The following BRIX1 variants were observed in gnomAD, a reference collection of about 807,000 sequenced individuals.
BRIX1 encodes the protein biogenesis of ribosomes BRX1.
Under a neutral mutation model 44.0 loss-of-function variants are expected in BRIX1, and 15 were observed. The observed-to-expected ratio is 0.34, with a 90% CI of 0.23 to 0.53. The LOEUF (loss-of-function observed/expected upper bound fraction) is 0.53. BRIX1 is among the 20% of genes least tolerant of loss of function. The pLI is 0.95. For missense variants in BRIX1, 420 were observed against 432.8 expected (o/e 0.97, Z 0.26); for synonymous variants, 149 against 135.4 (o/e 1.10, Z -0.70).
At position 34,923,022 on chromosome 5, in the gene BRIX1, T is replaced by A; in HGVS notation, c.532T>A (p.Tyr178Asn). 6.5e-7 allele frequency: 1 copy of A among 1,540,614 alleles called. No homozygotes were observed. The highest frequency in any genetic ancestry group is 9.0e-7 in the Non-Finnish European group (1 of 1,114,272). The change falls in exon 7 of 10, where the codon TAT becomes AAT. Residue 178 changes from tyrosine to asparagine, a missense_variant. By Grantham distance (143) the Tyr-to-Asn change is moderately radical. Transcript: ENST00000336767. ...FDPAFDELPH[Y>N]ALLKELLIQI... ...ATAGGCTTTTGATGAATTACCACATTATGCTTTGTTAAAAGAACTCTTAAT... is the reference window on the plus strand; with the variant it reads ...ATAGGCTTTTGATGAATTACCACATAATGCTTTGTTAAAAGAACTCTTAAT...
rs556111885 is a variant in BRIX1 at position 34,925,434 on chromosome 5, A to G, written c.1001A>G (p.Lys334Arg). 1 of 1,613,982 alleles carries G rather than the reference A, an allele frequency of 6.2e-7. No individual in the cohort carries two copies. The highest frequency in any genetic ancestry group is 1.3e-5 in the African/African-American group (1 of 75,064). ...AAAGTTGATTTGAAAGCAAGAAAGA[A>G]ACGGATTTACAAAAGGCAAAGAAAA... is the stretch of plus-strand genomic sequence containing the variant. ...EPKVDLKARK[K>R]RIYKRQRKMK... Residue 334 changes from lysine (K) to arginine (R), a missense_variant, in exon 10 of 10, where the codon AAA becomes AGA. Lys to Arg is a conservative substitution (Grantham distance 26). Transcript: ENST00000336767.
intron 3 of BRIX1, chr5:34,921,826 G>A (rs1764242524): frequency 6.5e-6 from 1 of 153,380 alleles, no homozygotes; most frequent in Non-Finnish European, 1.4e-5. Context: ...AGAATCATTT[G>A]AACCTGGGAG....
intron 1 of BRIX1, 58 bp downstream of exon 1, chr5:34,915,955 G>A: frequency 6.8e-7 from 1 of 1,477,908 alleles, no homozygotes; most frequent in South Asian, 1.4e-5. Flanking sequence ...GCCTTTTCTT[G>A]GGTTACTTAC....
At chr5:34,918,661 G>A in intron 2 of BRIX1, 186 bp downstream of exon 2, 2 of 478,930 alleles carry the variant, frequency 4.2e-6, no homozygotes, top group Non-Finnish European at 7.5e-6. Flanking sequence ...GATTTCATTA[G>A]GTAGATTCTT....
At chr5:34,918,547 A>G in intron 2 of BRIX1, 72 bp downstream of exon 2, 3 of 864,356 alleles carry the variant, frequency 3.5e-6, no homozygotes, top group South Asian at 4.3e-5. Context: ...CACTTATTTT[A>G]TATATTCTTC....
intron 8 of BRIX1, 112 bp from the exon 9 acceptor site, chr5:34,924,735 G>C: frequency 1.6e-6 from 1 of 635,476 alleles, no homozygotes. Flanking sequence ...CCCCCACCTT[G>C]ATTTTATGGA....
intron 3 of BRIX1, 124 bp downstream of exon 3, chr5:34,920,007 A>G: frequency 2.0e-6 from 1 of 504,876 alleles, no homozygotes; most frequent in Non-Finnish European, 3.6e-6. Context: ...CATTTTATTA[A>G]CTCTTCAATA....
Position 34,918,539 on chromosome 5 carries a change from CTTATT to C in BRIX1, c.271+69_271+73del, listed in dbSNP as rs41270657. ...AAACTTACCTATTTTTATGTTTTCA[CTTATT>C]TTATATATTCTTCATTTGTTCAGTG... On this transcript the variant is annotated intron_variant, in intron 2 of 9. Coordinates refer to ENST00000336767, the MANE Select transcript of BRIX1 (RefSeq NM_018321.4). 22 of 935,538 alleles carry C rather than the reference CTTATT, an allele frequency of 2.4e-5. No individual in the cohort carries two copies. In the African/African-American group the frequency reaches 3.8e-4, roughly 16 times the overall value. 58.0% of individuals were successfully genotyped at this position (935,538 alleles called of 1,614,324 possible).
At chr5:34,918,628 A>C (rs949153211) in intron 2 of BRIX1, 153 bp downstream of exon 2, 5 of 475,562 alleles carry the variant, frequency 1.1e-5, no homozygotes, top group African/African-American at 2.0e-5. Flanking sequence ...TTTTCCAGTT[A>C]ACATTTCGTA....
chr5:34,917,599 C>A (rs556238724), intron 1 of BRIX1, among the ~76,000 whole-genome samples: 1 of 152,108 alleles, frequency 6.6e-6, no homozygotes, highest in South Asian at 2.1e-4. Flanking sequence ...GAGATCGCGC[C>A]ACTGCACTCC....
At chr5:34,916,210 GAGT>G (rs908842179) in intron 1 of BRIX1, 5 of 228,658 alleles carry the variant, frequency 2.2e-5, no homozygotes, top group African/African-American at 1.1e-4. Context: ...TGTTTTTGGA[GAGT>G]AGTGCTTTTC....
chr5:34,923,855 C>G (rs1764293476), intron 8 of BRIX1, among the ~76,000 whole-genome samples: 1 of 152,174 alleles, frequency 6.6e-6, no homozygotes, highest in South Asian at 2.1e-4. Flanking sequence ...TGAGCTCTAC[C>G]TACTTCTATT....
At position 34,924,874 on chromosome 5, in the gene BRIX1, G is replaced by A; in HGVS notation, c.691G>A (p.Glu231Lys). The change falls in exon 9 of 10, where the codon GAA (glutamate) becomes AAA (lysine). Residue 231 changes from glutamate to lysine, a missense_variant. Glu to Lys is a moderately conservative substitution (Grantham distance 56). Transcript: ENST00000336767. ...CATAGAAGAAGATGCTGCTCTTGTA[G>A]AAATAGGACCTCGTTTTGTCTTAAA... is the stretch of plus-strand genomic sequence containing the variant. ...QIIEEDAALV[E>K]IGPRFVLNLI... 6.2e-7 allele frequency: 1 copy of A among 1,606,324 alleles called. No individual in the cohort carries two copies. The highest frequency in any genetic ancestry group is 8.5e-7 in the Non-Finnish European group (1 of 1,173,090).
chr5:34,920,296 A>G (rs1485711397), intron 3 of BRIX1: 1 of 152,724 alleles, frequency 6.5e-6, no homozygotes, highest in Non-Finnish European at 1.5e-5. Context: ...GGAACTGGCT[A>G]TTAAGGTATT....
chr5:34,916,413 T>A (rs1451588494), intron 1 of BRIX1: 1 of 152,560 alleles, frequency 6.6e-6, no homozygotes, highest in East Asian at 1.9e-4. Context: ...GACTAGGTAG[T>A]ATGAGCTTTA....
At chr5:34,924,246 G>A (rs936306336) in intron 8 of BRIX1, among the ~76,000 whole-genome samples, 13 of 152,178 alleles carry the variant, frequency 8.5e-5, no homozygotes, top group African/African-American at 2.4e-4. Flanking sequence ...ATTTTAGACA[G>A]TATATGACAT....
intron 6 of BRIX1, 114 bp from the exon 7 acceptor site, chr5:34,922,887 A>T: frequency 8.1e-7 from 1 of 1,227,788 alleles, no homozygotes; most frequent in South Asian, 1.3e-5. Context: ...TGGATTATCA[A>T]TTCTTTCAGG....
Position 34,925,388 on chromosome 5 carries a change from C to G in BRIX1, c.955C>G (p.Gln319Glu). Residue 319 changes from glutamine to glutamate, a missense_variant, in exon 10 of 10, where the codon CAG becomes GAG. Coordinates refer to ENST00000336767, the MANE Select transcript of BRIX1 (RefSeq NM_018321.4). ...TPAEEKPIEI[Q>E]WVKPEPKVDL... ...AGCTGAGGAGAAACCAATAGAAATACAGTGGGTAAAACCAGAGCCAAAAGT... is the reference window on the plus strand; with the variant it reads ...AGCTGAGGAGAAACCAATAGAAATAGAGTGGGTAAAACCAGAGCCAAAAGT... 8 of 1,613,840 alleles carry G rather than the reference C, an allele frequency of 5.0e-6. No homozygotes were observed. Among genetic ancestry groups the G allele is most frequent in the Non-Finnish European group, 6.8e-6 (8 of 1,179,976 alleles).
intron 1 of BRIX1, among the ~76,000 whole-genome samples, chr5:34,917,503 A>G (rs1236316288): frequency 1.3e-5 from 2 of 151,580 alleles, no homozygotes; most frequent in Non-Finnish European, 2.9e-5. Context: ...AGCCAGGTGC[A>G]GTGGCGGGCA....
Sources: gnomAD v4.1 joint callset for allele counts (sites outside exome capture counted in the v4.1 genomes callset) on GRCh38, gnomAD v4.1.1 for gene constraint, MANE v1.5 for transcripts, NCBI Gene and HGNC (gene_info 2026-07-23, HGNC 2026-07-21) for gene names.